Variants in RFC3 observed in about 807,000 individuals in gnomAD.
The protein encoded by RFC3 is A1 38 kDa subunit.
Under a neutral mutation model 45.1 loss-of-function variants are expected in RFC3, and 41 were observed. The observed-to-expected ratio is 0.91, with a 90% CI of 0.71 to 1.18. The LOEUF is 1.18. RFC3 is among the 50% of genes most tolerant of loss of function. The pLI, the probability that RFC3 is intolerant of heterozygous loss-of-function variation, is 0.00. For synonymous variants in RFC3, 149 were observed against 144.0 expected, an observed-to-expected ratio of 1.03 and a Z score of -0.25; for missense variants, 423 against 428.1, an observed-to-expected ratio of 0.99 and a Z score of 0.10.
downstream of RFC3, among the ~76,000 whole-genome samples, chr13:33,971,124 G>C (rs1445083697): frequency 6.6e-6 from 1 of 152,118 alleles, no homozygotes; most frequent in Non-Finnish European, 1.5e-5. Context: ...TGATATATTT[G>C]TTAAGTTTCT....
intron 8 of RFC3, among the ~76,000 whole-genome samples, chr13:33,882,142 T>A (rs1051428821): frequency 2.0e-5 from 3 of 152,352 alleles, no homozygotes; most frequent in Admixed American, 1.3e-4. Flanking sequence ...TATCCTATTC[T>A]CAGCTTCCCC....
intron 8 of RFC3, among the ~76,000 whole-genome samples, chr13:33,955,077 A>G (rs763238809): frequency 1.3e-4 from 20 of 152,230 alleles, no homozygotes; most frequent in Admixed American, 1.0e-3. Flanking sequence ...AAAAACTCTA[A>G]ATCTTATGGT....
intron 3 of RFC3, among the ~76,000 whole-genome samples, 192 bp downstream of exon 3, chr13:33,824,176 C>T (rs1387793601): frequency 6.6e-6 from 1 of 152,068 alleles, no homozygotes; most frequent in Non-Finnish European, 1.5e-5. Context: ...CCTTCTGTGT[C>T]AAATAATTTC....
chr13:33,947,597 A>G (rs1416668725), intron 8 of RFC3, among the ~76,000 whole-genome samples: 2 of 152,228 alleles, frequency 1.3e-5, no homozygotes, highest in African/African-American at 4.8e-5. Context: ...AGGAAAATGT[A>G]GGAAAGTTCA....
At chr13:33,881,446 A>C (rs1566014448) in intron 8 of RFC3, among the ~76,000 whole-genome samples, 1 of 152,142 alleles carries the variant, frequency 6.6e-6, no homozygotes, top group African/African-American at 2.4e-5. Flanking sequence ...GCGAGGAGGG[A>C]TAGAGCTTCA....
rs2082157029 is a variant in RFC3 at position 33,836,575 on chromosome 13, CCTATT to C, written c.*283_*287del. 1 of 1,096,530 alleles carries C rather than the reference CCTATT, an allele frequency of 9.1e-7. No homozygotes were observed. Among genetic ancestry groups the C allele is most frequent in the Non-Finnish European group, 1.1e-6 (1 of 898,372 alleles). 67.9% of individuals were successfully genotyped at this position (1,096,530 alleles called of 1,614,324 possible). ...TATTCAAGTATTCATTGTTGATCCT[CCTATT>C]CTCTTCCGTCTAATCTCTCACCTGC... On this transcript the variant is annotated 3_prime_UTR_variant, in exon 9 of 9. Transcript: ENST00000380071.
intron 8 of RFC3, among the ~76,000 whole-genome samples, chr13:33,910,073 A>T (rs1012172285): frequency 6.6e-6 from 1 of 152,062 alleles, no homozygotes; most frequent in Non-Finnish European, 1.5e-5. Context: ...CATTTTTATT[A>T]TTGCACTTCT....
At chr13:33,954,951 T>C (rs1003114987) in intron 8 of RFC3, among the ~76,000 whole-genome samples, 1 of 152,192 alleles carries the variant, frequency 6.6e-6, no homozygotes, top group Non-Finnish European at 1.5e-5. Context: ...AGCTTAATAT[T>C]GATGTCTCTC....
chr13:33,967,176 T>A (rs1008265524), downstream of RFC3, among the ~76,000 whole-genome samples: 9 of 151,320 alleles, frequency 5.9e-5, no homozygotes, highest in Admixed American at 1.3e-4. Flanking sequence ...AAAAAAAAAA[T>A]TTAAAAAAAG....
intron 8 of RFC3, among the ~76,000 whole-genome samples, chr13:33,894,591 T>C (rs2082585130): frequency 6.6e-6 from 1 of 151,870 alleles, no homozygotes. Context: ...CTGGGAGGAG[T>C]GTGGCCTAAA....
At chr13:33,875,122 A>G (rs1345993884) in intron 8 of RFC3, among the ~76,000 whole-genome samples, 4 of 152,254 alleles carry the variant, frequency 2.6e-5, no homozygotes, top group South Asian at 2.1e-4. Flanking sequence ...AGCACCTACT[A>G]TGTGCCTGGC....
At chr13:33,976,421 C>T in the RFC3 span, among the ~76,000 whole-genome samples, 4 of 151,714 alleles carry the variant, frequency 2.6e-5, no homozygotes, top group African/African-American at 4.8e-5. Context: ...GAAGGGAAGC[C>T]GGGGAGAGCA....
chr13:33,934,928 C>T (rs2082876727), intron 8 of RFC3, among the ~76,000 whole-genome samples: 1 of 152,114 alleles, frequency 6.6e-6, no homozygotes, highest in Non-Finnish European at 1.5e-5. Flanking sequence ...GGCCGAATCC[C>T]CCCATTCCTG....
chr13:33,889,299 G>C (rs1278970972), intron 8 of RFC3, among the ~76,000 whole-genome samples: 1 of 152,212 alleles, frequency 6.6e-6, no homozygotes, highest in African/African-American at 2.4e-5. Flanking sequence ...GGCTGGGCTA[G>C]TTTTTAACCT....
At chr13:33,827,961 G>A (rs1053644494) in intron 4 of RFC3, among the ~76,000 whole-genome samples, 5 of 151,678 alleles carry the variant, frequency 3.3e-5, no homozygotes, top group African/African-American at 4.8e-5. Flanking sequence ...TTAAGGCCAG[G>A]AAATTGAGAC....
chr13:33,922,107 G>T (rs1292668534), intron 8 of RFC3, among the ~76,000 whole-genome samples: 1 of 150,574 alleles, frequency 6.6e-6, no homozygotes, highest in Non-Finnish European at 1.5e-5. Context: ...CCACAAGCGA[G>T]AATTAGGAAA....
chr13:33,852,662 T>G (rs990485698), intron 8 of RFC3, among the ~76,000 whole-genome samples: 1 of 152,154 alleles, frequency 6.6e-6, no homozygotes, highest in African/African-American at 2.4e-5. Context: ...ACTTTAGGGA[T>G]TAAATGTATT....
At chr13:33,825,513 T>C (rs2082040888) in intron 3 of RFC3, among the ~76,000 whole-genome samples, 1 of 152,180 alleles carries the variant, frequency 6.6e-6, no homozygotes, top group Non-Finnish European at 1.5e-5. Flanking sequence ...GTCAAAGTAT[T>C]TGCTAAACTG....
downstream of RFC3, among the ~76,000 whole-genome samples, chr13:33,970,628 A>G (rs78743177): frequency 0.016 from 2,387 of 152,368 alleles, 47 homozygotes; most frequent in African/African-American, 0.051. Context: ...AGGAAACACC[A>G]GTAGGGGAAA....
Sources: gnomAD v4.1 joint callset for allele counts (sites outside exome capture counted in the v4.1 genomes callset) on GRCh38, gnomAD v4.1.1 for gene constraint, MANE v1.5 for transcripts, NCBI Gene and HGNC (gene_info 2026-07-23, HGNC 2026-07-21) for gene names.